The following ZNF90 variants were observed in gnomAD, a reference collection of about 807,000 sequenced individuals.
ZNF90 encodes zinc finger protein 90, also known as zinc finger protein HTF9.
Under a neutral mutation model 12.0 loss-of-function variants are expected in ZNF90, and 11 were observed. The ratio of observed to expected loss-of-function variants is 0.92; its 90% confidence interval spans 0.58 to 1.52. The LOEUF (loss-of-function observed/expected upper bound fraction) is 1.52, where lower values mean the gene tolerates loss of function less well. Ranked by LOEUF, ZNF90 falls within the 40% of genes most tolerant of loss-of-function variation. ZNF90 has a pLI of 0.00. For synonymous variants in ZNF90, 232 were observed against 240.1 expected, an observed-to-expected ratio of 0.97 and a Z score of 0.31; for missense variants, 765 against 711.5, an observed-to-expected ratio of 1.08 and a Z score of -0.86.
At chr19:20,090,482 A>G (rs911564891) in intron 1 of ZNF90, among the ~76,000 whole-genome samples, 1 of 152,148 alleles carries the variant, frequency 6.6e-6, no homozygotes, top group Non-Finnish European at 1.5e-5. Flanking sequence ...TTATTCTGGA[A>G]TGGTGAACCC....
chr19:20,109,499 AT>A (rs1176728228), intron 3 of ZNF90, among the ~76,000 whole-genome samples: 4 of 151,842 alleles, frequency 2.6e-5, no homozygotes, highest in South Asian at 2.1e-4. Context: ...ATAATTCTGG[AT>A]TTTTTTTCAA....
In ZNF90 at chr19:20,118,855, T is replaced by C. The variant is rs1555706169; in HGVS notation, c.1301T>C (p.Phe434Ser). The change falls in exon 4 of 4, where the codon TTC (phenylalanine) becomes TCC (serine). Residue 434 changes from phenylalanine (F) to serine (S), a missense_variant. Phe to Ser is a radical substitution (Grantham distance 155). Transcript: ENST00000418063. ...AAATGTCAAGAATGTGACAAAGTCTTCAAACGCTCCTCAGCCCTTAGCACA... is the reference window on the plus strand; with the variant it reads ...AAATGTCAAGAATGTGACAAAGTCTCCAAACGCTCCTCAGCCCTTAGCACA... ...PYKCQECDKVFKRSSALSTHK... is the reference protein window; with the variant it reads ...PYKCQECDKVSKRSSALSTHK... 3.1e-6 allele frequency: 5 copies of C among 1,606,652 alleles called. 1 individual carries two copies. The South Asian group carries it at 5.5e-5, about 18-fold the overall frequency.
At chr19:20,114,750 ATGT>A (rs1294785074) in intron 3 of ZNF90, among the ~76,000 whole-genome samples, 4 of 152,242 alleles carry the variant, frequency 2.6e-5, no homozygotes, top group Non-Finnish European at 2.9e-5. Context: ...GTGTATCCTG[ATGT>A]TGTTGAGGAG....
intron 1 of ZNF90, among the ~76,000 whole-genome samples, chr19:20,078,420 A>G (rs1011961968): frequency 1.3e-5 from 2 of 152,068 alleles, no homozygotes; most frequent in African/African-American, 4.8e-5. Context: ...GGAGCACGGG[A>G]GGGTTCTCGG....
At chr19:20,086,349 C>T (rs2088859840) in intron 1 of ZNF90, among the ~76,000 whole-genome samples, 1 of 150,806 alleles carries the variant, frequency 6.6e-6, no homozygotes, top group Admixed American at 6.6e-5. Flanking sequence ...ATTCTCCTGC[C>T]TCAGCCTCCA....
chr19:20,104,248 G>A lies in ZNF90; in HGVS notation c.13G>A (p.Glu5Lys). 1 of 1,613,954 alleles carries A rather than the reference G, an allele frequency of 6.2e-7. No individual in the cohort carries two copies. MGPL[E>K]FRDVAIEFSL... ...TATGTGTGTTTTTCAGGGACCATTG[G>A]AATTTAGAGATGTGGCCATAGAATT... Residue 5 changes from glutamate to lysine, a missense_variant, in exon 2 of 4, where the codon GAA becomes AAA. By Grantham distance (56) the Glu-to-Lys change is moderately conservative (BLOSUM62 1). Transcript: ENST00000418063.
At chr19:20,083,253 C>G (rs976147223) in intron 1 of ZNF90, among the ~76,000 whole-genome samples, 2 of 152,126 alleles carry the variant, frequency 1.3e-5, no homozygotes, top group Admixed American at 1.3e-4. Context: ...AGTCTCTAGT[C>G]CCACCCGATG....
intron 1 of ZNF90, among the ~76,000 whole-genome samples, chr19:20,084,624 C>T (rs954330076): frequency 6.6e-6 from 1 of 152,058 alleles, no homozygotes; most frequent in Non-Finnish European, 1.5e-5. Context: ...ATAAGCATTC[C>T]CTTTTCTCTG....
intron 1 of ZNF90, among the ~76,000 whole-genome samples, chr19:20,087,945 C>A (rs1555702274): frequency 1.3e-5 from 2 of 152,078 alleles, no homozygotes; most frequent in African/African-American, 2.4e-5. Context: ...AAAGGACTTT[C>A]ACAAAGTGAT....
chr19:20,106,340 T>G (rs1490136400), intron 3 of ZNF90, among the ~76,000 whole-genome samples: 3 of 152,174 alleles, frequency 2.0e-5, no homozygotes, highest in Non-Finnish European at 4.4e-5. Flanking sequence ...GATTTTTTAT[T>G]TATTTCACTA....
intron 3 of ZNF90, among the ~76,000 whole-genome samples, chr19:20,110,503 T>C (rs1599652258): frequency 6.6e-6 from 1 of 152,116 alleles, no homozygotes; most frequent in South Asian, 2.1e-4. Context: ...TGACGTCAGG[T>C]GATCTGCCCC....
At chr19:20,104,741 T>A (rs1373142591) in intron 2 of ZNF90, among the ~76,000 whole-genome samples, 4 of 152,098 alleles carry the variant, frequency 2.6e-5, no homozygotes, top group African/African-American at 9.7e-5. Flanking sequence ...ACACCTGTAA[T>A]CCCAGCACTT....
chr19:20,103,448 G>A (rs1185948480), intron 1 of ZNF90, among the ~76,000 whole-genome samples: 1 of 152,190 alleles, frequency 6.6e-6, no homozygotes, highest in Non-Finnish European at 1.5e-5. Context: ...CAGTGATGCT[G>A]TATTCTTCTG....
intron 1 of ZNF90, among the ~76,000 whole-genome samples, chr19:20,103,486 C>G (rs1213472473): frequency 1.3e-5 from 2 of 152,160 alleles, no homozygotes; most frequent in African/African-American, 4.8e-5. Flanking sequence ...TAAAATTTGT[C>G]CTAGTGCACT....
Position 20,119,172 on chromosome 19 carries a change from G to T in ZNF90, c.1618G>T (p.Glu540Ter). 3.7e-6 allele frequency: 6 copies of T among 1,612,822 alleles called. No homozygotes were observed. The highest frequency in any genetic ancestry group is 5.1e-6 in the Non-Finnish European group (6 of 1,179,348). The change falls in exon 4 of 4, where the codon GAA (glutamate) becomes TAA (stop). Residue 540 changes from glutamate (E) to a stop codon, truncating the protein, a stop_gained. Coordinates refer to ENST00000418063, the MANE Select transcript of ZNF90 (RefSeq NM_007138.2). LOFTEE classifies it low-confidence loss of function (END_TRUNC). ...TACTGGAGCGAAACCCTACAAATGT[G>T]AAGAATGTGGCAAAGCCTTTAAGCG... ...IHTGAKPYKC[E>*]ECGKAFKRSS...
At chr19:20,091,434 G>A (rs1246108194) in intron 1 of ZNF90, among the ~76,000 whole-genome samples, 1 of 152,218 alleles carries the variant, frequency 6.6e-6, no homozygotes, top group African/African-American at 2.4e-5. Context: ...TGTGAGGCTG[G>A]AAGAAGATAT....
chr19:20,111,384 A>G lies in ZNF90; in HGVS notation c.226+6068A>G, dbSNP rs191366599. ...CAAGTAGGTGCCATCAAACCCTGCT[A>G]GCTTTTCTGTATTTTTTGTAGAGAC... On this transcript the variant is annotated intron_variant, in intron 3 of 3. Coordinates refer to ENST00000418063, the MANE Select transcript of ZNF90 (RefSeq NM_007138.2). Among the ~76,000 whole-genome samples, 308 of 152,270 alleles carry G rather than the reference A, an allele frequency of 2.0e-3. 1 individual carries two copies. The highest frequency in any genetic ancestry group is 0.018 in the South Asian group (89 of 4,828).
At position 20,118,394 on chromosome 19, in the gene ZNF90, T is replaced by C. The variant is rs2089161138; in HGVS notation, c.840T>C (p.Thr280=). The change falls in exon 4 of 4, where the codon ACT becomes ACC. Residue 280 remains threonine, a synonymous_variant. Coordinates refer to ENST00000418063, the MANE Select transcript of ZNF90 (RefSeq NM_007138.2). ...TTACTGCACATAAGAGAATTCATAC[T>C]GGAGAGAAACCCTACAAGTGTGATA... is the stretch of plus-strand genomic sequence containing the variant. ...STLTAHKRIH[T]GEKPYKCDKC... is the part of the protein sequence containing the mutation. The C allele has an allele frequency of 6.2e-7, 1 of 1,606,914 alleles. No individual in the cohort carries two copies. Among genetic ancestry groups the C allele is most frequent in the African/African-American group, 1.3e-5 (1 of 74,684 alleles).
At position 20,099,087 on chromosome 19, in the gene ZNF90, C is replaced by T. The variant is rs111825414; in HGVS notation, c.4-5152C>T. Among the ~76,000 whole-genome samples, 613 of 152,236 alleles carry T rather than the reference C, an allele frequency of 4.0e-3. 6 individuals are homozygous for T. The highest frequency in any genetic ancestry group is 0.014 in the African/African-American group (586 of 41,538). On this transcript the variant is annotated intron_variant, in intron 1 of 3. Transcript: ENST00000418063. ...ACAACAAATACACGTGTCCAAAATACTGGGCTTTATTTAGGCCACTTTCTT... is the reference window on the plus strand; with the variant it reads ...ACAACAAATACACGTGTCCAAAATATTGGGCTTTATTTAGGCCACTTTCTT...
Sources: allele counts gnomAD v4.1 joint callset (sites outside exome capture counted in the v4.1 genomes callset), GRCh38; gene constraint gnomAD v4.1.1; transcripts MANE v1.5; gene names NCBI Gene and HGNC (gene_info 2026-07-23, HGNC 2026-07-21).